ELMO1: variants seen among roughly 807,000 people sequenced by gnomAD.
ELMO1 encodes the protein engulfment and cell motility protein 1.
ELMO1 carries 26 observed loss-of-function variants against 98.9 expected under a neutral mutation model. The observed-to-expected ratio is 0.26, with a 90% CI of 0.19 to 0.36. The LOEUF (loss-of-function observed/expected upper bound fraction) is 0.36, where lower values mean the gene tolerates loss of function less well. Among genes scored for constraint, ELMO1 ranks in the 10% least tolerant of loss-of-function variants. The pLI is 1.00. For synonymous variants in ELMO1, 346 were observed against 346.0 expected (o/e 1.00, Z 0.00); for missense variants, 627 against 935.2 (o/e 0.67, Z 4.30).
rs10522661 is a variant in ELMO1 at position 36,899,684 on chromosome 7, C to CTTTTTTTTTTTT, written c.1438-4679_1438-4668dup. ...ACTCATTTTTACTATCTTTACTCAT[C>CTTTTTTTTTTTT]TTTTTTTTTTTTTTTTACCACTCCT... On this transcript the variant is annotated intron_variant, in intron 16 of 21. Coordinates refer to ENST00000310758, the MANE Select transcript of ELMO1 (RefSeq NM_014800.11). Among the ~76,000 whole-genome samples the CTTTTTTTTTTTT allele has an allele frequency of 1.9e-3, 121 of 63,674 alleles. 26 individuals are homozygous for CTTTTTTTTTTTT. The highest frequency in any genetic ancestry group is 2.5e-3 in the Non-Finnish European group (82 of 32,646). The allele number at this position is 63,674 out of a possible 152,430, so 41.8% of individuals were successfully genotyped here.
chr7:37,083,460 C>T (rs1783585100), intron 15 of ELMO1, among the ~76,000 whole-genome samples: 1 of 152,024 alleles, frequency 6.6e-6, no homozygotes, highest in Admixed American at 6.6e-5. Context: ...AAATGCAAGT[C>T]ATTCTCCTTA....
chr7:37,296,537 A>C (rs1040592235), intron 4 of ELMO1, among the ~76,000 whole-genome samples: 4 of 152,238 alleles, frequency 2.6e-5, no homozygotes, highest in African/African-American at 9.6e-5. Flanking sequence ...ATACGCTGTG[A>C]CACAATCACA....
intron 16 of ELMO1, among the ~76,000 whole-genome samples, chr7:36,953,325 G>A (rs1289647774): frequency 6.6e-6 from 1 of 152,076 alleles, no homozygotes; most frequent in Admixed American, 6.6e-5. Context: ...TCACACAAGA[G>A]CCCCTAATTA....
chr7:37,043,687 A>G (rs1795647659), intron 15 of ELMO1, among the ~76,000 whole-genome samples: 1 of 152,212 alleles, frequency 6.6e-6, no homozygotes, highest in Admixed American at 6.5e-5. Context: ...GAGCCAGAAC[A>G]TGAACATTAT....
At chr7:37,378,295 A>C (rs1453375109) in intron 1 of ELMO1, among the ~76,000 whole-genome samples, 1 of 152,156 alleles carries the variant, frequency 6.6e-6, no homozygotes, top group Admixed American at 6.5e-5. Flanking sequence ...CCTGTACAAG[A>C]ATCTAGACCA....
intron 5 of ELMO1, among the ~76,000 whole-genome samples, chr7:37,268,577 G>A (rs1488504703): frequency 1.3e-5 from 2 of 152,164 alleles, no homozygotes; most frequent in Non-Finnish European, 2.9e-5. Context: ...TGGGTTTACA[G>A]GTGTGAGCCA....
chr7:36,916,697 C>A (rs1471596103), intron 16 of ELMO1, among the ~76,000 whole-genome samples: 1 of 152,214 alleles, frequency 6.6e-6, no homozygotes, highest in Non-Finnish European at 1.5e-5. Context: ...CCCAGCCTTC[C>A]CTCTGGTTCC....
At chr7:37,037,214 A>G (rs1795223799) in intron 15 of ELMO1, among the ~76,000 whole-genome samples, 1 of 152,232 alleles carries the variant, frequency 6.6e-6, no homozygotes, top group Admixed American at 6.5e-5. Context: ...TGTTTTAATG[A>G]AAGAAAATCT....
chr7:37,025,482 T>C (rs1015323563), intron 15 of ELMO1, among the ~76,000 whole-genome samples: 7 of 152,176 alleles, frequency 4.6e-5, no homozygotes, highest in South Asian at 4.1e-4. Context: ...TCTGAATAAG[T>C]GGACTCAATG....
At chr7:37,360,943 A>AAT (rs1801675610) in intron 1 of ELMO1, among the ~76,000 whole-genome samples, 1 of 19,298 alleles carries the variant, frequency 5.2e-5, no homozygotes, top group African/African-American at 1.1e-4. Context: ...CAATATTCAC[A>AAT]ACATTTTCAA....
intron 16 of ELMO1, among the ~76,000 whole-genome samples, chr7:36,904,100 G>T (rs1007144452): frequency 2.6e-5 from 4 of 152,220 alleles, no homozygotes; most frequent in Non-Finnish European, 4.4e-5. Flanking sequence ...TTCCAAAGTA[G>T]CCCATACCTC....
At chr7:36,958,134 C>T (rs1788621078) in intron 16 of ELMO1, among the ~76,000 whole-genome samples, 1 of 152,174 alleles carries the variant, frequency 6.6e-6, no homozygotes, top group South Asian at 2.1e-4. Context: ...CTTCACTTTC[C>T]TCATTACCTA....
chr7:37,444,009 A>G (rs2131595922), intron 1 of ELMO1, among the ~76,000 whole-genome samples: 1 of 152,298 alleles, frequency 6.6e-6, no homozygotes, highest in South Asian at 2.1e-4. Context: ...GACTCAAGCC[A>G]TTCTCTTGCC....
intron 16 of ELMO1, among the ~76,000 whole-genome samples, chr7:36,995,493 T>A (rs1379821311): frequency 6.6e-6 from 1 of 150,716 alleles, no homozygotes; most frequent in Non-Finnish European, 1.5e-5. Flanking sequence ...GGTGACAGAG[T>A]GAGACTCTGT....
intron 15 of ELMO1, among the ~76,000 whole-genome samples, chr7:37,057,232 A>G (rs535215526): frequency 1.3e-5 from 2 of 152,122 alleles, no homozygotes; most frequent in Non-Finnish European, 2.9e-5. Flanking sequence ...CTCTGATATA[A>G]GATGTTAAAA....
chr7:37,032,813 A>G (rs1205373953), intron 15 of ELMO1, among the ~76,000 whole-genome samples: 1 of 152,174 alleles, frequency 6.6e-6, no homozygotes, highest in Non-Finnish European at 1.5e-5. Flanking sequence ...ACTTATCCAC[A>G]GAGATGGATC....
At chr7:37,009,801 G>A (rs1793419740) in intron 16 of ELMO1, among the ~76,000 whole-genome samples, 1 of 152,168 alleles carries the variant, frequency 6.6e-6, no homozygotes, top group South Asian at 2.1e-4. Context: ...CTTTTTTAAA[G>A]ACATTTCTGA....
chr7:37,279,679 G>A (rs1797040739), intron 4 of ELMO1, among the ~76,000 whole-genome samples: 1 of 152,212 alleles, frequency 6.6e-6, no homozygotes. Flanking sequence ...GAAAGGTCCT[G>A]GGAGCTCGCT....
chr7:37,317,819 C>T (rs143270959), intron 2 of ELMO1, among the ~76,000 whole-genome samples: 2,413 of 152,174 alleles, frequency 0.016, 24 homozygotes, highest in Non-Finnish European at 0.021. Context: ...ATAACTAAAA[C>T]GGTATAACTG....
Sources: gnomAD v4.1 joint callset for allele counts (sites outside exome capture counted in the v4.1 genomes callset) on GRCh38, gnomAD v4.1.1 for gene constraint, MANE v1.5 for transcripts, NCBI Gene and HGNC (gene_info 2026-07-23, HGNC 2026-07-21) for gene names.